Variants in TSGA10IP observed in about 807,000 individuals in gnomAD.
The protein encoded by TSGA10IP is testis-specific protein 10-interacting protein.
Under a neutral mutation model 63.2 loss-of-function variants are expected in TSGA10IP, and 64 were observed. The observed-to-expected ratio is 1.01, with a 90% CI of 0.83 to 1.25. The LOEUF (loss-of-function observed/expected upper bound fraction) is 1.25. Ranked by LOEUF, TSGA10IP falls within the 50% of genes most tolerant of loss-of-function variation. The pLI is 0.00. For missense variants in TSGA10IP, 681 were observed against 710.1 expected, an observed-to-expected ratio of 0.96 and a Z score of 0.47; for synonymous variants, 316 against 298.3, an observed-to-expected ratio of 1.06 and a Z score of -0.61.
At chr11:65,955,020 A>G (rs575504344) in intron 5 of TSGA10IP, among the ~76,000 whole-genome samples, 7 of 152,346 alleles carry the variant, frequency 4.6e-5, no homozygotes, top group African/African-American at 1.7e-4. Flanking sequence ...TAACATTAGC[A>G]TATACAATCT....
At chr11:65,959,715 C>A in intron 7 of TSGA10IP, 102 bp from the exon 8 acceptor site, 2 of 1,443,940 alleles carry the variant, frequency 1.4e-6, no homozygotes, top group South Asian at 2.9e-5. Flanking sequence ...GATCACACAG[C>A]AAGCCGGCAC....
intron 5 of TSGA10IP, among the ~76,000 whole-genome samples, chr11:65,957,062 C>A (rs1346790886): frequency 2.0e-5 from 3 of 152,200 alleles, no homozygotes; most frequent in Non-Finnish European, 4.4e-5. Context: ...AAGAGGTTGT[C>A]CTGTGGGAGG....
intron 4 of TSGA10IP, among the ~76,000 whole-genome samples, chr11:65,950,978 A>AT (rs1390910978): frequency 6.6e-6 from 1 of 152,166 alleles, no homozygotes; most frequent in South Asian, 2.1e-4. Context: ...TGCCTGGCTT[A>AT]TTTCACTTAA....
chr11:65,948,223 G>A (rs940737783), intron 4 of TSGA10IP, 75 bp downstream of exon 4: 15 of 1,486,142 alleles, frequency 1.0e-5, no homozygotes, highest in East Asian at 4.9e-5. Context: ...GAGATGCTTA[G>A]GCATTTGAAC....
At chr11:65,958,272 T>C (rs1419890449) in intron 5 of TSGA10IP, among the ~76,000 whole-genome samples, 3 of 152,210 alleles carry the variant, frequency 2.0e-5, no homozygotes, top group Non-Finnish European at 2.9e-5. Context: ...ATGAAAATTG[T>C]GCTTCCCCAG....
In TSGA10IP at chr11:65,947,101, C is replaced by A; in HGVS notation, c.285-9C>A. The A allele has an allele frequency of 7.5e-6, 12 of 1,609,462 alleles. No individual in the cohort carries two copies. Among genetic ancestry groups the A allele is most frequent in the Non-Finnish European group, 1.0e-5 (12 of 1,176,394 alleles). On this transcript the variant is annotated splice_polypyrimidine_tract_variant and intron_variant, in intron 2 of 7. Transcript: ENST00000532620. ...CGCCGACCCTGACCCCCACCCTTTC[C>A]TTCTTCAGTCACTTCCCGCTTCTTC...
chr11:65,948,121 C>G, exon 4 of TSGA10IP: 1 of 1,603,312 alleles, frequency 6.2e-7, no homozygotes, highest in Non-Finnish European at 8.5e-7. Context: ...CCTAATCGCA[C>G]CTTCCACAAA....
At chr11:65,950,041 T>C (rs1485088243) in intron 4 of TSGA10IP, among the ~76,000 whole-genome samples, 1 of 148,796 alleles carries the variant, frequency 6.7e-6, no homozygotes, top group African/African-American at 2.5e-5. Context: ...TTAATAGAGA[T>C]GGGGTTTCAC....
At chr11:65,947,136 C>G in exon 3 of TSGA10IP, 2 of 1,611,734 alleles carry the variant, frequency 1.2e-6, no homozygotes, top group Non-Finnish European at 8.5e-7. Context: ...CCTCGGAAAC[C>G]CTCCTTCCCC....
intron 4 of TSGA10IP, among the ~76,000 whole-genome samples, chr11:65,950,560 A>ATTTT (rs35025045): frequency 7.0e-6 from 1 of 142,074 alleles, no homozygotes; most frequent in African/African-American, 2.6e-5. Flanking sequence ...TGCCTGGCTA[A>ATTTT]TTTTTTTTTT....
chr11:65,958,820 T>A (rs1448146109), intron 5 of TSGA10IP, 63 bp from the exon 6 acceptor site: 1 of 1,402,936 alleles, frequency 7.1e-7, no homozygotes, highest in African/African-American at 1.4e-5. Context: ...ATAAGCGGGC[T>A]CAGGAATGGA....
At position 65,959,163 on chromosome 11, in the gene TSGA10IP, GCAGGAAGCCGTCTTCTCTCTCCT is replaced by G. The variant is rs1368662755; in HGVS notation, c.1423-22_1423del. 1 of 1,597,184 alleles carries G rather than the reference GCAGGAAGCCGTCTTCTCTCTCCT, an allele frequency of 6.3e-7. No individual in the cohort carries two copies. Among genetic ancestry groups the G allele is most frequent in the Non-Finnish European group, 8.5e-7 (1 of 1,173,428 alleles). On this transcript the variant is annotated splice_region_variant and splice_polypyrimidine_tract_variant and intron_variant, in intron 6 of 7. Transcript: ENST00000532620. ...TTGCCCTCGGCAGCCCTGGTGCAGA[GCAGGAAGCCGTCTTCTCTCTCCT>G]CAGGCCAATGCCCGGCTCACCGTCA...
At chr11:65,953,244 T>G (rs1019577087) in intron 4 of TSGA10IP, among the ~76,000 whole-genome samples, 1 of 152,070 alleles carries the variant, frequency 6.6e-6, no homozygotes, top group Admixed American at 6.6e-5. Flanking sequence ...ATGACCAAGC[T>G]GGTCTCAAAC....
intron 4 of TSGA10IP, among the ~76,000 whole-genome samples, chr11:65,951,209 T>C (rs1045773785): frequency 2.0e-5 from 3 of 152,314 alleles, no homozygotes; most frequent in Admixed American, 1.3e-4. Context: ...TTCCTTTGAA[T>C]ATGTACCCAG....
At chr11:65,954,732 T>G (rs952996183) in intron 5 of TSGA10IP, among the ~76,000 whole-genome samples, 1 of 151,078 alleles carries the variant, frequency 6.6e-6, no homozygotes, top group East Asian at 1.9e-4. Context: ...GCAGGAGAAT[T>G]GCTTGAACCC....
exon 3 of TSGA10IP, chr11:65,947,446 A>G (rs774355353): frequency 1.9e-6 from 3 of 1,613,624 alleles, no homozygotes; most frequent in Non-Finnish European, 2.5e-6. Context: ...GGCCAGGATC[A>G]GGATCGGCGT....
At chr11:65,958,838 A>G in intron 5 of TSGA10IP, 45 bp from the exon 6 acceptor site, 1 of 1,532,908 alleles carries the variant, frequency 6.5e-7, no homozygotes, top group Non-Finnish European at 9.0e-7. Context: ...GGAGATCAAC[A>G]GTTGTGTCCA....
chr11:65,957,748 C>T (rs1436101500), intron 5 of TSGA10IP, among the ~76,000 whole-genome samples: 3 of 152,112 alleles, frequency 2.0e-5, no homozygotes, highest in Non-Finnish European at 4.4e-5. Flanking sequence ...CCCTCCCCTC[C>T]TGTCCTCTTG....
intron 5 of TSGA10IP, among the ~76,000 whole-genome samples, chr11:65,955,613 A>G (rs763189900): frequency 1.2e-4 from 16 of 131,238 alleles, no homozygotes; most frequent in Non-Finnish European, 1.7e-4. Flanking sequence ...ACTCCGTTTC[A>G]AAAAAAAAAA....
Sources: gnomAD v4.1 joint callset for allele counts (sites outside exome capture counted in the v4.1 genomes callset) on GRCh38, gnomAD v4.1.1 for gene constraint, MANE v1.5 for transcripts, NCBI Gene and HGNC (gene_info 2026-07-23, HGNC 2026-07-21) for gene names.